Variants in SGCD observed in about 807,000 individuals in gnomAD.
SGCD encodes the protein sarcoglycan delta, also known as delta-sarcoglycan.
In SGCD, 18 loss-of-function variants were observed where a neutral mutation model predicts 36.6. The ratio of observed to expected loss-of-function variants is 0.49; its 90% confidence interval spans 0.34 to 0.73. The LOEUF (loss-of-function observed/expected upper bound fraction) is 0.73, where lower values mean the gene tolerates loss of function less well. SGCD is among the 30% of genes least tolerant of loss of function. SGCD has a pLI of 0.01. For missense variants in SGCD, 387 were observed against 346.7 expected (o/e 1.12, Z -0.92); for synonymous variants, 133 against 130.6 (o/e 1.02, Z -0.12).
chr5:156,318,000 T>C (rs1251286244), intron 3 of SGCD, among the ~76,000 whole-genome samples: 1 of 152,154 alleles, frequency 6.6e-6, no homozygotes, highest in Admixed American at 6.5e-5. Context: ...ATAGTAGTTA[T>C]TTATGAGCAA....
chr5:155,819,540 TC>T, the SGCD span, among the ~76,000 whole-genome samples: 1 of 152,210 alleles, frequency 6.6e-6, no homozygotes, highest in Non-Finnish European at 1.5e-5. Context: ...CACATAATCC[TC>T]CCCACAACCT....
At chr5:155,951,769 T>C (rs1757552956) in intron 1 of SGCD, among the ~76,000 whole-genome samples, 1 of 152,186 alleles carries the variant, frequency 6.6e-6, no homozygotes, top group South Asian at 2.1e-4. Context: ...GAATGATACA[T>C]TTGGGTTAGG....
chr5:155,860,917 C>G, the SGCD span, among the ~76,000 whole-genome samples: 68 of 152,244 alleles, frequency 4.5e-4, no homozygotes, highest in African/African-American at 1.6e-3. Context: ...TTTATAAACT[C>G]CAAGTTGTAG....
At chr5:156,316,133 T>C (rs1249954150) in intron 3 of SGCD, among the ~76,000 whole-genome samples, 1 of 151,936 alleles carries the variant, frequency 6.6e-6, no homozygotes, top group Non-Finnish European at 1.5e-5. Flanking sequence ...AGTTATAGGA[T>C]GCAAAGTCAA....
the SGCD span, among the ~76,000 whole-genome samples, chr5:155,733,297 TCA>T: frequency 6.6e-6 from 1 of 152,144 alleles, no homozygotes; most frequent in Non-Finnish European, 1.5e-5. Context: ...AAAGGAGCTA[TCA>T]CACACACTCT....
intron 3 of SGCD, among the ~76,000 whole-genome samples, chr5:156,154,021 G>A (rs1762890288): frequency 6.6e-6 from 1 of 151,610 alleles, no homozygotes; most frequent in African/African-American, 2.4e-5. Flanking sequence ...GGCAGGGTCT[G>A]AAGTCAACCC....
chr5:156,170,925 A>G (rs142349079), intron 3 of SGCD, among the ~76,000 whole-genome samples: 5 of 152,318 alleles, frequency 3.3e-5, no homozygotes, highest in African/African-American at 1.2e-4. Context: ...GAAGGTGGGC[A>G]TTTATAAAAT....
chr5:156,180,972 T>C (rs1763592368), intron 3 of SGCD, among the ~76,000 whole-genome samples: 1 of 152,118 alleles, frequency 6.6e-6, no homozygotes, highest in African/African-American at 2.4e-5. Flanking sequence ...GGTTAATTGA[T>C]GAGATTCCTA....
intron 3 of SGCD, among the ~76,000 whole-genome samples, chr5:156,468,009 G>A (rs1754789259): frequency 6.6e-6 from 1 of 152,170 alleles, no homozygotes; most frequent in East Asian, 1.9e-4. Context: ...GTGTTAGGAA[G>A]CTGATTTAAG....
At chr5:156,307,555 G>GTTGTTTTTTT (rs1188757705) in intron 3 of SGCD, among the ~76,000 whole-genome samples, 4 of 41,158 alleles carry the variant, frequency 9.7e-5, no homozygotes, top group Non-Finnish European at 9.7e-5. Flanking sequence ...TTTAACTGTT[G>GTTGTTTTTTT]TTTTTTTTTT....
At chr5:155,930,818 A>T (rs1277395675) in intron 1 of SGCD, among the ~76,000 whole-genome samples, 1 of 152,232 alleles carries the variant, frequency 6.6e-6, no homozygotes, top group Non-Finnish European at 1.5e-5. Context: ...AGAACCACTA[A>T]AAACTTAAGA....
At chr5:156,597,806 T>C (rs557752891) in intron 6 of SGCD, among the ~76,000 whole-genome samples, 2 of 152,318 alleles carry the variant, frequency 1.3e-5, no homozygotes, top group East Asian at 3.9e-4. Flanking sequence ...CTATGCTTGA[T>C]ATGCAGTATT....
intron 3 of SGCD, among the ~76,000 whole-genome samples, chr5:156,137,816 CCCT>C (rs964049368): frequency 6.6e-6 from 1 of 152,096 alleles, no homozygotes; most frequent in African/African-American, 2.4e-5. Context: ...TGTCACCTAA[CCCT>C]CATGCAAGAT....
chr5:156,636,818 A>T (rs535733018), intron 6 of SGCD, among the ~76,000 whole-genome samples: 1 of 152,298 alleles, frequency 6.6e-6, no homozygotes, highest in Non-Finnish European at 1.5e-5. Flanking sequence ...ACTGCCTAAA[A>T]GCTTTAAGTG....
chr5:156,505,144 G>C (rs1442912054), intron 3 of SGCD, among the ~76,000 whole-genome samples: 7 of 152,174 alleles, frequency 4.6e-5, no homozygotes, highest in Non-Finnish European at 8.8e-5. Flanking sequence ...GGGAGGGTTC[G>C]AGGTGCCTTT....
At chr5:156,511,950 C>A (rs943382816) in intron 4 of SGCD, among the ~76,000 whole-genome samples, 2 of 152,122 alleles carry the variant, frequency 1.3e-5, no homozygotes, top group Non-Finnish European at 2.9e-5. Flanking sequence ...AATCCCAACA[C>A]TTTGGAAGTC....
At chr5:156,477,872 T>C (rs79738834) in intron 3 of SGCD, among the ~76,000 whole-genome samples, 3,120 of 152,250 alleles carry the variant, frequency 0.02, 35 homozygotes, top group Non-Finnish European at 0.032. Flanking sequence ...TTCTCTGGAA[T>C]GTGGGTTCCA....
At chr5:155,811,516 T>C in the SGCD span, among the ~76,000 whole-genome samples, 10 of 152,286 alleles carry the variant, frequency 6.6e-5, no homozygotes, top group Admixed American at 3.9e-4. Flanking sequence ...TAATTTTGTA[T>C]TGAAGTCATT....
chr5:155,913,828 A>G (rs891479257), intron 1 of SGCD, among the ~76,000 whole-genome samples: 58 of 152,246 alleles, frequency 3.8e-4, no homozygotes, highest in African/African-American at 1.3e-3. Context: ...AGTTCTGCAT[A>G]GTCTGTGCTC....
Sources: allele counts gnomAD v4.1 joint callset (sites outside exome capture counted in the v4.1 genomes callset), GRCh38; gene constraint gnomAD v4.1.1; transcripts MANE v1.5; gene names NCBI Gene and HGNC (gene_info 2026-07-23, HGNC 2026-07-21).